TRPM3: variants seen among roughly 807,000 people sequenced by gnomAD.
TRPM3 encodes the protein long transient receptor potential channel 3.
In TRPM3, 77 loss-of-function variants were observed where a neutral mutation model predicts 181.2. The observed-to-expected ratio is 0.42, with a 90% CI of 0.35 to 0.51. The LOEUF is 0.51. Ranked by LOEUF, TRPM3 falls within the 20% of genes least tolerant of loss-of-function variation. The pLI, the probability that TRPM3 is intolerant of heterozygous loss-of-function variation, is 0.01. For missense variants in TRPM3, 1,759 were observed against 2,196.7 expected (o/e 0.80, Z 3.98); for synonymous variants, 745 against 796.4 (o/e 0.94, Z 1.09).
intron 5 of TRPM3, among the ~76,000 whole-genome samples, chr9:70,831,262 C>G (rs2093876705): frequency 6.6e-6 from 1 of 152,030 alleles, no homozygotes; most frequent in Non-Finnish European, 1.5e-5. Flanking sequence ...TGCTGATCTT[C>G]CCGTTATGCT....
intron 1 of TRPM3, among the ~76,000 whole-genome samples, chr9:70,956,120 T>A (rs1275078882): frequency 6.6e-6 from 1 of 152,082 alleles, no homozygotes; most frequent in Non-Finnish European, 1.5e-5. Context: ...AAATGTTTGT[T>A]TACTCAAAGA....
At chr9:70,824,193 A>G (rs2093396913) in intron 6 of TRPM3, among the ~76,000 whole-genome samples, 1 of 152,032 alleles carries the variant, frequency 6.6e-6, no homozygotes. Context: ...CCCCTAAGTG[A>G]TGAGGGGGAA....
intron 1 of TRPM3, among the ~76,000 whole-genome samples, chr9:71,062,277 C>T (rs1293362307): frequency 5.3e-5 from 8 of 152,002 alleles, no homozygotes; most frequent in Admixed American, 6.6e-5. Flanking sequence ...GGTTTTAATC[C>T]ACCTTCCCTT....
chr9:70,779,844 A>G (rs2082128941), intron 7 of TRPM3, among the ~76,000 whole-genome samples: 1 of 152,186 alleles, frequency 6.6e-6, no homozygotes, highest in South Asian at 2.1e-4. Context: ...CTCATTCTAA[A>G]CTATGACAGA....
intron 1 of TRPM3, among the ~76,000 whole-genome samples, chr9:71,061,959 C>T (rs549585911): frequency 1.6e-4 from 24 of 152,010 alleles, no homozygotes; most frequent in African/African-American, 5.5e-4. Flanking sequence ...CCTAAAAGCC[C>T]ATAGTGACCA....
intron 1 of TRPM3, among the ~76,000 whole-genome samples, chr9:71,039,475 C>T (rs762957909): frequency 9.9e-5 from 15 of 152,120 alleles, no homozygotes; most frequent in Non-Finnish European, 1.9e-4. Context: ...AAAATCTATA[C>T]TCTGTACCTA....
rs147224781 is a variant in TRPM3 at position 70,603,647 on chromosome 9, A to G, written c.2668-177T>C. Among the ~76,000 whole-genome samples, 140 of 152,354 alleles carry G rather than the reference A, an allele frequency of 9.2e-4. 1 individual carries two copies. The highest frequency in any genetic ancestry group is 1.2e-3 in the Non-Finnish European group (79 of 68,034). On this transcript the variant is annotated intron_variant, in intron 19 of 25. Coordinates refer to ENST00000677713, the MANE Select transcript of TRPM3 (RefSeq NM_001366145.2). ...AATTAGAAAAGACAGTAATACTTGA[A>G]GGATTATAATATGCAATCTTCCTTT...
rs2041607770 is a variant in TRPM3, at chr9:70,535,947, G to A, written c.*6C>T. 1.9e-6 allele frequency: 3 copies of A among 1,565,612 alleles called. No homozygotes were observed. Among genetic ancestry groups the A allele is most frequent in the Non-Finnish European group, 2.6e-6 (3 of 1,158,658 alleles). On this transcript the variant is annotated 3_prime_UTR_variant, in exon 26 of 26. Transcript: ENST00000677713. The stretch of plus-strand genomic sequence containing the variant: ...TTGAGCCTTCTGTGGCGGATATTAA[G>A]AAGGTTTAGTTGTGCTTGCTTTCAA...
intron 1 of TRPM3, among the ~76,000 whole-genome samples, chr9:71,227,575 T>C (rs766443189): frequency 8.6e-5 from 13 of 151,186 alleles, no homozygotes; most frequent in East Asian, 1.9e-4. Context: ...ATAAACAAAA[T>C]TGACAAACCT....
intron 1 of TRPM3, among the ~76,000 whole-genome samples, chr9:71,330,121 C>T (rs1369952780): frequency 2.6e-5 from 4 of 151,852 alleles, no homozygotes; most frequent in Non-Finnish European, 5.9e-5. Context: ...TCCTTAGGCA[C>T]AGTCCTGCTG....
chr9:71,279,809 G>A (rs917844848), intron 1 of TRPM3, among the ~76,000 whole-genome samples: 1 of 152,180 alleles, frequency 6.6e-6, no homozygotes, highest in Admixed American at 6.5e-5. Flanking sequence ...CGGGCGCGGT[G>A]GCTCATGCCT....
At chr9:70,631,293 A>C (rs897246129) in intron 12 of TRPM3, among the ~76,000 whole-genome samples, 1 of 152,010 alleles carries the variant, frequency 6.6e-6, no homozygotes, top group East Asian at 1.9e-4. Flanking sequence ...GCTTTTGCAA[A>C]TTTCCATGCA....
At position 70,580,901 on chromosome 9, in the gene TRPM3, C is replaced by T. The variant is rs577293164; in HGVS notation, c.3223+10130G>A. On this transcript the variant is annotated intron_variant, in intron 22 of 25. Coordinates refer to ENST00000677713, the MANE Select transcript of TRPM3 (RefSeq NM_001366145.2). Reference sequence around the variant, plus strand: ...ACGCTGATTTGTAATGTGTGTTTAGCTGTCAGTCTTCTTCAGCAACTTCCT... The same window carrying T: ...ACGCTGATTTGTAATGTGTGTTTAGTTGTCAGTCTTCTTCAGCAACTTCCT... 2.2e-4 allele frequency among the ~76,000 whole-genome samples: 33 copies of T among 152,284 alleles called. No individual in the cohort carries two copies. The South Asian group carries it at 6.4e-3, about 30-fold the overall frequency.
At chr9:70,557,657 G>A (rs976912038) in intron 22 of TRPM3, among the ~76,000 whole-genome samples, 7 of 152,154 alleles carry the variant, frequency 4.6e-5, no homozygotes, top group African/African-American at 1.7e-4. Flanking sequence ...AAATGCCCCC[G>A]GGACATGCAC....
chr9:70,958,908 A>G (rs1450201639), intron 1 of TRPM3, among the ~76,000 whole-genome samples: 1 of 151,686 alleles, frequency 6.6e-6, no homozygotes, highest in Non-Finnish European at 1.5e-5. Flanking sequence ...GCAAGGACAA[A>G]AAACCAAACA....
At position 70,537,008 on chromosome 9, in the gene TRPM3, A is replaced by G; in HGVS notation, c.4105T>C (p.Phe1369Leu). The change falls in exon 26 of 26, where the codon TTT becomes CTT. Residue 1369 changes from phenylalanine (F) to leucine (L), a missense_variant. Coordinates refer to ENST00000677713, the MANE Select transcript of TRPM3 (RefSeq NM_001366145.2). Reference protein sequence around the residue: ...KGGIEKLESIFKERSLSLHRA... With the variant: ...KGGIEKLESILKERSLSLHRA... The stretch of plus-strand genomic sequence containing the variant: ...TGTAGGCTCAGGGACCTTTCTTTAA[A>G]AATACTTTCCAACTTTTCTATACCA... The G allele has an allele frequency of 6.2e-7, 1 of 1,610,148 alleles. No individual in the cohort carries two copies. Among genetic ancestry groups the G allele is most frequent in the Non-Finnish European group, 8.5e-7 (1 of 1,176,686 alleles).
At chr9:70,773,015 G>C (rs1246016319) in intron 7 of TRPM3, among the ~76,000 whole-genome samples, 4 of 152,062 alleles carry the variant, frequency 2.6e-5, no homozygotes, top group African/African-American at 9.7e-5. Context: ...GAATTTTTGG[G>C]GCCTCCAGGC....
chr9:70,758,570 G>A (rs900997386), intron 8 of TRPM3, among the ~76,000 whole-genome samples: 6 of 152,012 alleles, frequency 3.9e-5, no homozygotes, highest in African/African-American at 1.4e-4. Context: ...ACGCTACCTG[G>A]CTTCAAACTA....
intron 1 of TRPM3, among the ~76,000 whole-genome samples, chr9:71,097,487 G>T (rs1266719045): frequency 1.3e-5 from 2 of 151,532 alleles, no homozygotes; most frequent in Admixed American, 1.3e-4. Context: ...TTAGTTTAAA[G>T]GTTCTTCCAA....
Sources: allele counts gnomAD v4.1 joint callset (sites outside exome capture counted in the v4.1 genomes callset), GRCh38; gene constraint gnomAD v4.1.1; transcripts MANE v1.5; gene names NCBI Gene and HGNC (gene_info 2026-07-23, HGNC 2026-07-21).